ALDH6A1: variants seen among roughly 807,000 people sequenced by gnomAD.
The protein encoded by ALDH6A1 is aldehyde dehydrogenase 6 family member A1.
A neutral mutation model predicts 62.6 loss-of-function variants in ALDH6A1; 43 were observed. The ratio of observed to expected loss-of-function variants is 0.69; its 90% CI spans 0.54 to 0.89. ALDH6A1 has a LOEUF of 0.89. ALDH6A1 is among the 40% of genes least tolerant of loss of function. ALDH6A1 has a pLI of 0.00. For synonymous variants in ALDH6A1, 194 were observed against 234.2 expected (o/e 0.83, Z 1.57); for missense variants, 551 against 661.3 (o/e 0.83, Z 1.83).
Position 74,066,826 on chromosome 14 carries a change from C to G in ALDH6A1, c.1103G>C (p.Cys368Ser). ...CTTTGTTCCACTATCAATCAGATTA[C>G]AGACTCGCTCTTTGGCCTGGGGAGT... is the stretch of plus-strand genomic sequence containing the variant. ...LITPQAKERV[C>S]NLIDSGTKEG... The change falls in exon 9 of 12, where the codon TGT becomes TCT. Residue 368 changes from cysteine (C) to serine (S), a missense_variant. Physicochemically the swap from Cys to Ser is moderately radical, Grantham distance 112. Coordinates refer to ENST00000553458, the MANE Select transcript of ALDH6A1 (RefSeq NM_005589.4). 1 of 1,614,064 alleles carries G rather than the reference C, an allele frequency of 6.2e-7. No individual in the cohort carries two copies. The highest frequency in any genetic ancestry group is 8.5e-7 in the Non-Finnish European group (1 of 1,179,998).
intron 1 of ALDH6A1, among the ~76,000 whole-genome samples, chr14:74,083,285 A>G (rs192965054): frequency 2.2e-4 from 33 of 152,378 alleles, no homozygotes; most frequent in African/African-American, 7.5e-4. Flanking sequence ...GATGTAATGA[A>G]TAAGAACGGC....
At chr14:74,073,259 A>G (rs906685948) in intron 2 of ALDH6A1, among the ~76,000 whole-genome samples, 2 of 151,994 alleles carry the variant, frequency 1.3e-5, no homozygotes, top group Non-Finnish European at 2.9e-5. Flanking sequence ...ACATGCTACC[A>G]TGCCCAGCTA....
In ALDH6A1 at chr14:74,071,900, G is replaced by A. The variant is rs1398007173; in HGVS notation, c.423C>T (p.Gly141=). Reference sequence around the variant, plus strand: ...CATAAGGGGCTCCCAGCTTACGAAGGCCTCGAAATACATCTCCTTCAGCAT... The same window carrying A: ...CATAAGGGGCTCCCAGCTTACGAAGACCTCGAAATACATCTCCTTCAGCAT... ...LADAEGDVFR[G]LQVVEHACSV... is the part of the protein sequence containing the mutation. The change falls in exon 5 of 12, where the codon GGC becomes GGT. Residue 141 remains glycine (G), a synonymous_variant. Transcript: ENST00000553458. 2.5e-6 allele frequency: 4 copies of A among 1,614,044 alleles called. No individual in the cohort carries two copies. In the African/African-American group the frequency reaches 5.3e-5, roughly 22 times the overall value.
chr14:74,080,597 C>T (rs1298293701), intron 1 of ALDH6A1, among the ~76,000 whole-genome samples: 1 of 151,932 alleles, frequency 6.6e-6, no homozygotes, highest in Non-Finnish European at 1.5e-5. Flanking sequence ...GCCACCATGC[C>T]CAGCTAATTA....
At chr14:74,070,505 G>A (rs1027651796) in intron 6 of ALDH6A1, among the ~76,000 whole-genome samples, 2 of 152,050 alleles carry the variant, frequency 1.3e-5, no homozygotes, top group Admixed American at 6.6e-5. Flanking sequence ...GGCGACAGAG[G>A]GAGACTCCAT....
rs542557450 is a variant in ALDH6A1 at position 74,071,093 on chromosome 14, C to T, written c.730+102G>A. 3.5e-6 allele frequency: 4 copies of T among 1,150,334 alleles called. No individual in the cohort carries two copies. In the African/African-American group the frequency reaches 6.1e-5, roughly 17 times the overall value. The allele number at this position is 1,150,334 out of a possible 1,614,324, so 71.3% of individuals were successfully genotyped here. On this transcript the variant is annotated intron_variant, in intron 6 of 11. Coordinates refer to ENST00000553458, the MANE Select transcript of ALDH6A1 (RefSeq NM_005589.4). ...GAGGTTAAAATGAGTAAATCCTTTC[C>T]TCCTTACAAGTAGGTTCCTTATCCT...
intron 4 of ALDH6A1, 92 bp from the exon 5 acceptor site, chr14:74,072,066 G>A: frequency 6.4e-7 from 1 of 1,556,454 alleles, no homozygotes; most frequent in South Asian, 1.1e-5. Context: ...TGGAGGAGAT[G>A]CAGTACAAGG....
At chr14:74,067,946 A>AAAT (rs2139776544) in intron 7 of ALDH6A1, among the ~76,000 whole-genome samples, 1 of 151,650 alleles carries the variant, frequency 6.6e-6, no homozygotes, top group Non-Finnish European at 1.5e-5. Context: ...AACAAACAAA[A>AAAT]AACAGGAATT....
chr14:74,064,702 A>G lies in ALDH6A1; in HGVS notation c.1503+120T>C, dbSNP rs775095445. On this transcript the variant is annotated intron_variant, in intron 11 of 11. Coordinates refer to ENST00000553458, the MANE Select transcript of ALDH6A1 (RefSeq NM_005589.4). The stretch of plus-strand genomic sequence containing the variant: ...ATCTTTTTTAGGGAACCTTCTGAGA[A>G]GCACTGATTATGACCTCACAGATGC... 3.7e-6 allele frequency: 6 copies of G among 1,614,018 alleles called. No homozygotes were observed. In the East Asian group the frequency reaches 8.9e-5, roughly 24 times the overall value.
In ALDH6A1 at chr14:74,067,997, T is replaced by TTA. The variant is rs1555376961; in HGVS notation, c.853-429_853-428insTA. Among the ~76,000 whole-genome samples, 58 of 132,980 alleles carry TTA rather than the reference T, an allele frequency of 4.4e-4. No individual in the cohort carries two copies. The East Asian group carries it at 0.01, about 24-fold the overall frequency. 87.2% of individuals were successfully genotyped at this position (132,980 alleles called of 152,430 possible). A position where few individuals can be genotyped will look rare whatever the true frequency, so the allele number is the denominator to read the frequency against. On this transcript the variant is annotated intron_variant, in intron 7 of 11. Coordinates refer to ENST00000553458, the MANE Select transcript of ALDH6A1 (RefSeq NM_005589.4). ...TTTTTAGTTATATGAAGAGCAATGT[T>TTA]AAAAAAAAAAAAAAAAAGAACTTAC...
At position 74,071,175 on chromosome 14, in the gene ALDH6A1, A is replaced by G; in HGVS notation, c.730+20T>C. On this transcript the variant is annotated intron_variant, in intron 6 of 11. Coordinates refer to ENST00000553458, the MANE Select transcript of ALDH6A1 (RefSeq NM_005589.4). ...TTTTTGGTAGCCAGATTAAGTAGCC[A>G]TATGCATAAGGGCAGTTACCTTCAT... 6.2e-7 allele frequency: 1 copy of G among 1,605,362 alleles called. No individual in the cohort carries two copies. The highest frequency in any genetic ancestry group is 1.3e-5 in the African/African-American group (1 of 74,860).
Position 74,060,381 on chromosome 14 carries a change from G to C in ALDH6A1, c.*261C>G. On this transcript the variant is annotated 3_prime_UTR_variant, in exon 12 of 12. Coordinates refer to ENST00000553458, the MANE Select transcript of ALDH6A1 (RefSeq NM_005589.4). ...GATAATTTTTAGAAATCAGGTTTAA[G>C]CACTACTTTCAGATAAGCATTTCAT... 1 of 437,696 alleles carries C rather than the reference G, an allele frequency of 2.3e-6. No individual in the cohort carries two copies. Among genetic ancestry groups the C allele is most frequent in the South Asian group, 2.4e-5 (1 of 41,716 alleles). The allele number at this position is 437,696 out of a possible 1,614,324, so 27.1% of individuals were successfully genotyped here. A position where few individuals can be genotyped will look rare whatever the true frequency, so the allele number is the denominator to read the frequency against.
intron 1 of ALDH6A1, among the ~76,000 whole-genome samples, chr14:74,082,463 G>A (rs550465461): frequency 4.4e-4 from 56 of 128,030 alleles, no homozygotes; most frequent in Admixed American, 1.2e-3. Context: ...GCAATGGCAC[G>A]ATCTCAGCTC....
rs2060446455 is a variant in ALDH6A1, at chr14:74,065,446, C to G, written c.1225-86G>C. ...TTATTTGGTACTTTCACTTACTACA[C>G]ATCATTTACGTGGACAACTTTCATA... is the stretch of plus-strand genomic sequence containing the variant. On this transcript the variant is annotated intron_variant, in intron 9 of 11. Coordinates refer to ENST00000553458, the MANE Select transcript of ALDH6A1 (RefSeq NM_005589.4). 3.3e-6 allele frequency: 4 copies of G among 1,221,600 alleles called. No individual in the cohort carries two copies. The South Asian group carries it at 5.1e-5, about 15-fold the overall frequency. The allele number at this position is 1,221,600 out of a possible 1,614,324, so 75.7% of individuals were successfully genotyped here.
intron 7 of ALDH6A1, 62 bp downstream of exon 7, chr14:74,068,798 C>G: frequency 6.3e-7 from 1 of 1,588,124 alleles, no homozygotes; most frequent in Non-Finnish European, 8.6e-7. Flanking sequence ...TGCTGAAGGT[C>G]TGTTCCTAGG....
rs1339556767 is a variant in ALDH6A1, at chr14:74,058,222, G to A, written c.*2420C>T. ...TGCACCTGTAATCCCAGCTACTCGG[G>A]AGACTGAGGCAGGAGAATTACTTGA... is the stretch of plus-strand genomic sequence containing the variant. On this transcript the variant is annotated 3_prime_UTR_variant, in exon 12 of 12. Transcript: ENST00000553458. 1.3e-5 allele frequency: 2 copies of A among 152,270 alleles called. No individual in the cohort carries two copies. The highest frequency in any genetic ancestry group is 1.3e-4 in the Admixed American group (2 of 15,262). The allele number at this position is 152,270 out of a possible 1,614,324, so 9.4% of individuals were successfully genotyped here. A position where few individuals can be genotyped will look rare whatever the true frequency, so the allele number is the denominator to read the frequency against.
In ALDH6A1 at chr14:74,071,036, G is replaced by A. The variant is rs1014956361; in HGVS notation, c.730+159C>T. 4.9e-5 allele frequency: 37 copies of A among 758,640 alleles called. No homozygotes were observed. In the Middle Eastern group the frequency reaches 1.3e-3, roughly 28 times the overall value. 47.0% of individuals were successfully genotyped at this position (758,640 alleles called of 1,614,324 possible). On this transcript the variant is annotated intron_variant, in intron 6 of 11. Coordinates refer to ENST00000553458, the MANE Select transcript of ALDH6A1 (RefSeq NM_005589.4). ...CTATTCCCCAATCAGTTACCTTGGC[G>A]CACAAAGATGGCAAAATCATCAACA...
At chr14:74,077,359 C>T (rs904572031) in intron 1 of ALDH6A1, among the ~76,000 whole-genome samples, 11 of 152,078 alleles carry the variant, frequency 7.2e-5, no homozygotes, top group Non-Finnish European at 1.3e-4. Context: ...TATCTTATTC[C>T]GTTTTGTGTT....
At chr14:74,066,657 C>T in intron 9 of ALDH6A1, 48 bp downstream of exon 9, 1 of 1,536,860 alleles carries the variant, frequency 6.5e-7, no homozygotes, top group Non-Finnish European at 9.0e-7. Flanking sequence ...ATTCTATAGC[C>T]TTTAAGGTGC....
Sources: allele counts gnomAD v4.1 joint callset (sites outside exome capture counted in the v4.1 genomes callset), GRCh38; gene constraint gnomAD v4.1.1; transcripts MANE v1.5; gene names NCBI Gene and HGNC (gene_info 2026-07-23, HGNC 2026-07-21).